PEX5L: variants seen among roughly 807,000 people sequenced by gnomAD.
The protein encoded by PEX5L is peroxisomal biogenesis factor 5 like.
In PEX5L, 30 loss-of-function variants were observed where a neutral mutation model predicts 84.0. The observed-to-expected ratio is 0.36, with a 90% CI of 0.27 to 0.48. PEX5L has a LOEUF of 0.48. Ranked by LOEUF, PEX5L falls within the 20% of genes least tolerant of loss-of-function variation. The probability of loss-of-function intolerance (pLI) is 0.99; values close to 1 mark genes in which losing one functional copy is unlikely to be tolerated. For missense variants in PEX5L, 533 were observed against 754.6 expected, an observed-to-expected ratio of 0.71 and a Z score of 3.44; for synonymous variants, 270 against 283.1, an observed-to-expected ratio of 0.95 and a Z score of 0.46.
At chr3:180,018,178 T>C (rs923907246) in intron 1 of PEX5L, among the ~76,000 whole-genome samples, 1 of 152,216 alleles carries the variant, frequency 6.6e-6, no homozygotes, top group South Asian at 2.1e-4. Flanking sequence ...TCTATTAATA[T>C]ATACCATATA....
At chr3:179,967,622 T>G (rs544820554) in intron 2 of PEX5L, among the ~76,000 whole-genome samples, 20 of 152,292 alleles carry the variant, frequency 1.3e-4, no homozygotes, top group Admixed American at 5.9e-4. Context: ...TAAATGGCTG[T>G]GGTTTTCTTG....
intron 8 of PEX5L, among the ~76,000 whole-genome samples, chr3:179,849,202 C>A (rs58736580): frequency 6.6e-6 from 1 of 152,174 alleles, no homozygotes; most frequent in Non-Finnish European, 1.5e-5. Flanking sequence ...TTTGTCATTT[C>A]TGTACTTTAT....
chr3:179,811,757 C>G, intron 11 of PEX5L, 44 bp downstream of exon 11: 1 of 1,331,344 alleles, frequency 7.5e-7, no homozygotes, highest in Non-Finnish European at 1.1e-6. Context: ...AGTTCATTAA[C>G]AAGTATCCAC....
chr3:179,900,520 C>T, intron 2 of PEX5L: 1 of 592,928 alleles, frequency 1.7e-6, no homozygotes, highest in South Asian at 2.1e-5. Flanking sequence ...CTAGAGTTAG[C>T]AAGGGACATG....
intron 8 of PEX5L, among the ~76,000 whole-genome samples, chr3:179,837,339 T>G (rs1367243667): frequency 6.6e-6 from 1 of 152,182 alleles, no homozygotes; most frequent in East Asian, 1.9e-4. Flanking sequence ...GTTGACTTCC[T>G]ACTGTGAACA....
chr3:179,884,141 C>G (rs964586797), intron 4 of PEX5L, among the ~76,000 whole-genome samples: 1 of 152,180 alleles, frequency 6.6e-6, no homozygotes, highest in Non-Finnish European at 1.5e-5. Context: ...TGTCCAAAAT[C>G]ACACAGCTGG....
Position 179,795,899 on chromosome 3 carries a change from A to G in PEX5L, c.*5929T>C, listed in dbSNP as rs1716747027. ...AGTTTTTTTTCAACCAATGTAAACAAATTTGGGCAATGTAAATTGAAAGTT... is the reference window on the plus strand; with the variant it reads ...AGTTTTTTTTCAACCAATGTAAACAGATTTGGGCAATGTAAATTGAAAGTT... On this transcript the variant is annotated 3_prime_UTR_variant, in exon 15 of 15. Coordinates refer to ENST00000467460, the MANE Select transcript of PEX5L (RefSeq NM_016559.3). 6.6e-6 allele frequency: 1 copy of G among 152,226 alleles called. No homozygotes were observed. Among genetic ancestry groups the G allele is most frequent in the Admixed American group, 6.5e-5 (1 of 15,282 alleles). The allele number at this position is 152,226 out of a possible 1,614,324, so 9.4% of individuals were successfully genotyped here.
rs1037622139 is a variant in PEX5L at position 179,903,284 on chromosome 3, G to C, written c.94-5038C>G. The stretch of plus-strand genomic sequence containing the variant: ...CACCCAGGCTGGAGTGCAGTGGTGT[G>C]ATCTCGGTTCACTGCAACCTCAACC... On this transcript the variant is annotated intron_variant, in intron 2 of 14. Transcript: ENST00000467460. Among the ~76,000 whole-genome samples the C allele has an allele frequency of 4.2e-4, 63 of 151,484 alleles. 1 individual carries two copies. In the South Asian group the frequency reaches 0.013, roughly 31 times the overall value.
intron 8 of PEX5L, among the ~76,000 whole-genome samples, chr3:179,848,147 A>G (rs1463306813): frequency 4.6e-5 from 7 of 152,208 alleles, no homozygotes; most frequent in African/African-American, 1.7e-4. Flanking sequence ...TCAATGCTAC[A>G]GAAAATTTTA....
At chr3:179,803,071 AT>A (rs1160259838) in intron 14 of PEX5L, among the ~76,000 whole-genome samples, 2 of 152,096 alleles carry the variant, frequency 1.3e-5, no homozygotes, top group Admixed American at 1.3e-4. Flanking sequence ...ATGTTATTTG[AT>A]TTTTTTGCTT....
intron 1 of PEX5L, among the ~76,000 whole-genome samples, chr3:179,983,834 G>T (rs989096853): frequency 1.3e-5 from 2 of 152,054 alleles, no homozygotes. Flanking sequence ...AATAGTTAAA[G>T]ACGTTTCTGA....
chr3:179,871,989 C>T (rs1208652593), intron 7 of PEX5L, among the ~76,000 whole-genome samples: 1 of 152,184 alleles, frequency 6.6e-6, no homozygotes, highest in East Asian at 1.9e-4. Flanking sequence ...CAGGCACAGT[C>T]ATCCTTCTAC....
At chr3:179,898,331 C>T (rs1459787597) in intron 2 of PEX5L, 85 bp from the exon 3 acceptor site, 4 of 951,382 alleles carry the variant, frequency 4.2e-6, no homozygotes, top group Non-Finnish European at 6.3e-6. Flanking sequence ...GTTTAAAGAG[C>T]AATCCAACAT....
At chr3:179,907,370 T>G (rs983489038) in intron 2 of PEX5L, among the ~76,000 whole-genome samples, 1 of 152,148 alleles carries the variant, frequency 6.6e-6, no homozygotes, top group Non-Finnish European at 1.5e-5. Context: ...TGAAGTTCAG[T>G]GGCGCAATCA....
intron 6 of PEX5L, among the ~76,000 whole-genome samples, chr3:179,874,672 A>G (rs1751560078): frequency 6.7e-6 from 1 of 149,400 alleles, no homozygotes; most frequent in Non-Finnish European, 1.5e-5. Flanking sequence ...CAAAAAGTAA[A>G]TAAATGCAGT....
In PEX5L at chr3:179,904,473, T is replaced by C. The variant is rs557194484; in HGVS notation, c.94-6227A>G. Among the ~76,000 whole-genome samples, 10 of 152,278 alleles carry C rather than the reference T, an allele frequency of 6.6e-5. No homozygotes were observed. In the East Asian group the frequency reaches 1.7e-3, roughly 26 times the overall value. On this transcript the variant is annotated intron_variant, in intron 2 of 14. Coordinates refer to ENST00000467460, the MANE Select transcript of PEX5L (RefSeq NM_016559.3). Reference sequence around the variant, plus strand: ...GATTCTAAGCCTCCACTTATGAACATTACTGGAATTCCATGGCCACCATAT... The same window carrying C: ...GATTCTAAGCCTCCACTTATGAACACTACTGGAATTCCATGGCCACCATAT...
chr3:179,960,233 T>C (rs1268598060), intron 2 of PEX5L, among the ~76,000 whole-genome samples: 2 of 152,200 alleles, frequency 1.3e-5, no homozygotes, highest in Non-Finnish European at 2.9e-5. Context: ...CTAGCAGATA[T>C]GCCAAAATAT....
rs372227638 is a variant in PEX5L, at chr3:179,986,561, C to T, written c.22-14896G>A. On this transcript the variant is annotated intron_variant, in intron 1 of 14. Coordinates refer to ENST00000467460, the MANE Select transcript of PEX5L (RefSeq NM_016559.3). ...GGGACTACAGGCGCCCGCCACCACG[C>T]CCGGCTAATTTTTTGTATTTTTAGT... Among the ~76,000 whole-genome samples, 352 of 152,136 alleles carry T rather than the reference C, an allele frequency of 2.3e-3. 7 individuals carry two copies. The East Asian group carries it at 0.033, about 14-fold the overall frequency.
At chr3:179,874,677 T>C (rs1336591928) in intron 6 of PEX5L, among the ~76,000 whole-genome samples, 1 of 146,346 alleles carries the variant, frequency 6.8e-6, no homozygotes, top group Admixed American at 6.9e-5. Flanking sequence ...AGTAAATAAA[T>C]GCAGTACCAT....
Sources: allele counts gnomAD v4.1 joint callset (sites outside exome capture counted in the v4.1 genomes callset), GRCh38; gene constraint gnomAD v4.1.1; transcripts MANE v1.5; gene names NCBI Gene and HGNC (gene_info 2026-07-23, HGNC 2026-07-21).